Variants in PLCXD2 observed in about 807,000 individuals in gnomAD.
PLCXD2 encodes phosphatidylinositol specific phospholipase C X domain containing 2.
In PLCXD2, 21 loss-of-function variants were observed where a neutral mutation model predicts 28.6. The observed-to-expected ratio is 0.73, with a 90% CI of 0.52 to 1.06. PLCXD2 has a LOEUF of 1.06. Ranked by LOEUF, PLCXD2 falls within the 50% of genes least tolerant of loss-of-function variation. PLCXD2 has a pLI of 0.00. For missense variants in PLCXD2, 369 were observed against 376.7 expected, an observed-to-expected ratio of 0.98 and a Z score of 0.17; for synonymous variants, 140 against 150.1, an observed-to-expected ratio of 0.93 and a Z score of 0.49.
chr3:111,719,872 G>T (rs1474904866), intron 3 of PLCXD2, among the ~76,000 whole-genome samples: 1 of 152,184 alleles, frequency 6.6e-6, no homozygotes, highest in Non-Finnish European at 1.5e-5. Context: ...ATTAAGATTT[G>T]TGAATTTTAT....
chr3:111,701,810 C>T (rs1330947896), intron 1 of PLCXD2, among the ~76,000 whole-genome samples: 1 of 151,872 alleles, frequency 6.6e-6, no homozygotes, highest in East Asian at 1.9e-4. Flanking sequence ...TAAATGAAGA[C>T]GGTGAGAGAG....
intron 3 of PLCXD2, among the ~76,000 whole-genome samples, chr3:111,715,941 T>TA (rs1411371623): frequency 1.3e-5 from 2 of 152,230 alleles, no homozygotes; most frequent in African/African-American, 4.8e-5. Context: ...TTCATATCTG[T>TA]ACATTCCTAA....
chr3:111,724,320 G>A (rs775293884), intron 3 of PLCXD2: 5 of 151,932 alleles, frequency 3.3e-5, no homozygotes, highest in East Asian at 3.9e-4. Context: ...CTGAATTACC[G>A]AGAGCAGTTA....
intron 3 of PLCXD2, among the ~76,000 whole-genome samples, chr3:111,718,122 T>G (rs948832424): frequency 5.3e-5 from 8 of 152,108 alleles, no homozygotes; most frequent in Admixed American, 1.3e-4. Context: ...CCGTTCAAAA[T>G]GGAAGTACCC....
chr3:111,714,390 G>A (rs1941240693), intron 3 of PLCXD2, among the ~76,000 whole-genome samples: 1 of 152,158 alleles, frequency 6.6e-6, no homozygotes, highest in African/African-American at 2.4e-5. Flanking sequence ...AGCACATTGA[G>A]CCAACACCAT....
intron 3 of PLCXD2, chr3:111,726,074 T>C (rs1941411557): frequency 5.1e-6 from 2 of 390,348 alleles, no homozygotes; most frequent in Middle Eastern, 1.3e-3. Context: ...AGCCCAGAAC[T>C]TGGGACCAAT....
chr3:111,677,353 CT>C (rs1262517868), intron 1 of PLCXD2: 2 of 152,198 alleles, frequency 1.3e-5, no homozygotes, highest in Non-Finnish European at 2.9e-5. Flanking sequence ...CAGATAAAAG[CT>C]GGCAGTCAAG....
rs1210457007 is a variant in PLCXD2, at chr3:111,683,960, T to A, written c.163+8552T>A. 2.6e-5 allele frequency among the ~76,000 whole-genome samples: 4 copies of A among 151,888 alleles called. 1 individual carries two copies. Among genetic ancestry groups the A allele is most frequent in the Admixed American group, 1.3e-4 (2 of 15,258 alleles). On this transcript the variant is annotated intron_variant, in intron 1 of 4. Transcript: ENST00000477665. ...GAATGGCCCATTTAACAAACCAAAA[T>A]AGTTTATTATGGTTGTACTGTGGGT...
chr3:111,698,196 G>A (rs1293280229), intron 1 of PLCXD2, among the ~76,000 whole-genome samples: 1 of 152,142 alleles, frequency 6.6e-6, no homozygotes, highest in Non-Finnish European at 1.5e-5. Flanking sequence ...CATTCTATTA[G>A]CCAAGGACTC....
chr3:111,684,362 T>TCTTA (rs1298036836), intron 1 of PLCXD2, among the ~76,000 whole-genome samples: 1 of 148,008 alleles, frequency 6.8e-6, no homozygotes, highest in African/African-American at 2.5e-5. Flanking sequence ...GTTAAAGTTA[T>TCTTA]CTTACTTCAG....
At chr3:111,697,875 A>G (rs1940984913) in intron 1 of PLCXD2, among the ~76,000 whole-genome samples, 1 of 152,126 alleles carries the variant, frequency 6.6e-6, no homozygotes, top group Non-Finnish European at 1.5e-5. Context: ...ATAGGAGCAG[A>G]CTAGAGATAT....
At chr3:111,686,619 C>T (rs1033264960) in intron 1 of PLCXD2, among the ~76,000 whole-genome samples, 1 of 152,112 alleles carries the variant, frequency 6.6e-6, no homozygotes, top group Non-Finnish European at 1.5e-5. Flanking sequence ...ATTTTGTATA[C>T]CCTAAAGATG....
chr3:111,710,401 G>A (rs541993032), intron 2 of PLCXD2, among the ~76,000 whole-genome samples: 6 of 152,214 alleles, frequency 3.9e-5, no homozygotes, highest in South Asian at 4.1e-4. Context: ...AATGAGCTAC[G>A]TACATGGATT....
intron 2 of PLCXD2, 92 bp downstream of exon 2, chr3:111,708,478 G>A: frequency 8.5e-7 from 1 of 1,179,714 alleles, no homozygotes; most frequent in East Asian, 2.4e-5. Context: ...CTCAATCCAG[G>A]GCTCTTAGGC....
intron 1 of PLCXD2, among the ~76,000 whole-genome samples, chr3:111,696,688 A>G (rs772583294): frequency 6.6e-5 from 10 of 152,208 alleles, no homozygotes; most frequent in Non-Finnish European, 1.3e-4. Context: ...CACTCTGACT[A>G]TTCGTTATAG....
intron 1 of PLCXD2, among the ~76,000 whole-genome samples, chr3:111,688,339 G>A (rs982618180): frequency 6.6e-6 from 1 of 152,238 alleles, no homozygotes; most frequent in African/African-American, 2.4e-5. Flanking sequence ...CTGAAAGGCT[G>A]CAGATCAAAA....
At chr3:111,698,110 G>T (rs1296402869) in intron 1 of PLCXD2, among the ~76,000 whole-genome samples, 1 of 152,048 alleles carries the variant, frequency 6.6e-6, no homozygotes, top group African/African-American at 2.4e-5. Context: ...AGAATTATTT[G>T]TTTCTCAGAT....
Position 111,714,019 on chromosome 3 carries a change from G to A in PLCXD2, c.757G>A (p.Glu253Lys). The A allele has an allele frequency of 6.2e-7, 1 of 1,614,142 alleles. No individual in the cohort carries two copies. Among genetic ancestry groups the A allele is most frequent in the Non-Finnish European group, 8.5e-7 (1 of 1,180,036 alleles). ...CCTCTTCTTGGAGACCACTCTGAGT[G>A]AGCGGGCCTCACGGGGCTCCTTCCA... is the stretch of plus-strand genomic sequence containing the variant. Residue 253 changes from glutamate to lysine, a missense_variant, in exon 3 of 5, where the codon GAG becomes AAG. Transcript: ENST00000477665.
At chr3:111,718,321 T>C (rs564414154) in intron 3 of PLCXD2, among the ~76,000 whole-genome samples, 8 of 152,034 alleles carry the variant, frequency 5.3e-5, no homozygotes, top group East Asian at 1.9e-4. Context: ...AGAAATTAGC[T>C]GGGCGTGGTG....
Sources: gnomAD v4.1 joint callset for allele counts (sites outside exome capture counted in the v4.1 genomes callset) on GRCh38, gnomAD v4.1.1 for gene constraint, MANE v1.5 for transcripts, NCBI Gene and HGNC (gene_info 2026-07-23, HGNC 2026-07-21) for gene names.